The following TMEM94 variants were observed in gnomAD, a reference collection of about 807,000 sequenced individuals.
TMEM94 encodes the protein transmembrane protein 94.
Under a neutral mutation model 158.6 loss-of-function variants are expected in TMEM94, and 81 were observed. The observed-to-expected ratio is 0.51, with a 90% CI of 0.43 to 0.61. The LOEUF is 0.61. Ranked by LOEUF, TMEM94 falls within the 20% of genes least tolerant of loss-of-function variation. The pLI is 0.00. For synonymous variants in TMEM94, 751 were observed against 730.7 expected, an observed-to-expected ratio of 1.03 and a Z score of -0.45; for missense variants, 1,435 against 1,762.0, an observed-to-expected ratio of 0.81 and a Z score of 3.32.
intron 2 of TMEM94, among the ~76,000 whole-genome samples, chr17:75,480,477 C>T (rs1183057735): frequency 6.6e-6 from 1 of 152,176 alleles, no homozygotes; most frequent in African/African-American, 2.4e-5. Context: ...GGGAGCAGAG[C>T]GCAGCTTCAA....
Position 75,495,735 on chromosome 17 carries a change from T to A in TMEM94, c.2944+92T>A. On this transcript the variant is annotated intron_variant, in intron 22 of 31. Coordinates refer to ENST00000314256, the MANE Select transcript of TMEM94 (RefSeq NM_014738.6). This position sits in a 1 kb window ranked among gnomAD's most constrained non-coding sequence, Gnocchi z 5.6. ...GTACCCCGTGGGCTCTGGAGGGATG[T>A]AGGTTTCCCATGCAGGGAGTAAAGG... 7.9e-7 allele frequency: 1 copy of A among 1,261,162 alleles called. No homozygotes were observed. Among genetic ancestry groups the A allele is most frequent in the Non-Finnish European group, 1.1e-6 (1 of 877,320 alleles). The allele number at this position is 1,261,162 out of a possible 1,614,324, so 78.1% of individuals were successfully genotyped here. A position where few individuals can be genotyped will look rare whatever the true frequency, so the allele number is the denominator to read the frequency against.
At chr17:75,475,842 G>A (rs967490846) in intron 2 of TMEM94, among the ~76,000 whole-genome samples, 3 of 152,212 alleles carry the variant, frequency 2.0e-5, no homozygotes, top group Non-Finnish European at 4.4e-5. Context: ...TACCTGGCAG[G>A]AAGGTGTTGG....
At chr17:75,476,586 G>A (rs1020930722) in intron 2 of TMEM94, 47 of 1,497,116 alleles carry the variant, frequency 3.1e-5, no homozygotes, top group East Asian at 4.9e-5. Context: ...AGCTGTCTCC[G>A]TCTCTTCTCT....
chr17:75,459,014 G>A (rs1484526236), intron 1 of TMEM94, among the ~76,000 whole-genome samples: 16 of 149,044 alleles, frequency 1.1e-4, no homozygotes, highest in South Asian at 2.1e-4. Flanking sequence ...CCGAGATCGC[G>A]CCACTGCACT....
chr17:75,457,740 A>G (rs1342592411), intron 1 of TMEM94: 1 of 152,210 alleles, frequency 6.6e-6, no homozygotes, highest in Admixed American at 6.5e-5. Context: ...GGCAGTTTTA[A>G]CATTTTCATT....
intron 1 of TMEM94, among the ~76,000 whole-genome samples, chr17:75,465,629 G>A (rs1014330679): frequency 1.0e-5 from 1 of 99,170 alleles, no homozygotes; most frequent in African/African-American, 4.8e-5. Context: ...TGGGTTGTTG[G>A]TCTTGTTACT....
At chr17:75,481,055 G>T (rs548550437) in intron 2 of TMEM94, among the ~76,000 whole-genome samples, 2 of 152,334 alleles carry the variant, frequency 1.3e-5, no homozygotes, top group South Asian at 4.1e-4. Context: ...AGACGTCCAT[G>T]CCCACAGACA....
rs374927328 is a variant in TMEM94, at chr17:75,494,881, G to A, written c.2590-15G>A. 18 of 1,613,518 alleles carry A rather than the reference G, an allele frequency of 1.1e-5. No individual in the cohort carries two copies. The highest frequency in any genetic ancestry group is 1.6e-4 in the Middle Eastern group (1 of 6,062). ...CTTTTGGGCCCGTATGTTCATGGCC[G>A]TCTGCCTTTCACAGGTGTTTGCAGA... On this transcript the variant is annotated splice_polypyrimidine_tract_variant and intron_variant, in intron 19 of 31. Coordinates refer to ENST00000314256, the MANE Select transcript of TMEM94 (RefSeq NM_014738.6).
Position 75,491,039 on chromosome 17 carries a change from C to T in TMEM94, c.1129-10C>T, listed in dbSNP as rs773572515. 5.6e-6 allele frequency: 9 copies of T among 1,597,264 alleles called. No homozygotes were observed. Among genetic ancestry groups the T allele is most frequent in the Non-Finnish European group, 7.7e-6 (9 of 1,170,162 alleles). The stretch of plus-strand genomic sequence containing the variant: ...CTAAATGGCCTTGCAGACTTCCTCT[C>T]TCCCACCAGGAAATGCTGCGCTGCA... On this transcript the variant is annotated splice_polypyrimidine_tract_variant and intron_variant, in intron 11 of 31. Coordinates refer to ENST00000314256, the MANE Select transcript of TMEM94 (RefSeq NM_014738.6). This position sits in a 1 kb window ranked among gnomAD's most constrained non-coding sequence, Gnocchi z 5.1.
chr17:75,498,136 G>A lies in TMEM94; in HGVS notation c.3490-39G>A. ...AAGAGCTAGGAGCAGCCGGCAGAGG[G>A]GCTGTGCGCCCCAGGAGTGACTGGC... On this transcript the variant is annotated intron_variant, in intron 27 of 31. Coordinates refer to ENST00000314256, the MANE Select transcript of TMEM94 (RefSeq NM_014738.6). This position sits in a 1 kb window ranked among gnomAD's most constrained non-coding sequence, Gnocchi z 6.7. The A allele has an allele frequency of 6.2e-7, 1 of 1,609,312 alleles. No homozygotes were observed. The highest frequency in any genetic ancestry group is 8.5e-7 in the Non-Finnish European group (1 of 1,176,952).
In TMEM94 at chr17:75,499,622, C is replaced by T. The variant is rs1476360155; in HGVS notation, c.*288C>T. 1 of 447,204 alleles carries T rather than the reference C, an allele frequency of 2.2e-6. No individual in the cohort carries two copies. The highest frequency in any genetic ancestry group is 2.9e-5 in the South Asian group (1 of 34,768). The allele number at this position is 447,204 out of a possible 1,614,324, so 27.7% of individuals were successfully genotyped here. The stretch of plus-strand genomic sequence containing the variant: ...GCTCCCTAGAGGGGCCCTAAACCCC[C>T]TCACCTGTGAGCTACCCCCTTTAGG... On this transcript the variant is annotated 3_prime_UTR_variant, in exon 32 of 32. Coordinates refer to ENST00000314256, the MANE Select transcript of TMEM94 (RefSeq NM_014738.6).
At chr17:75,470,325 T>A (rs954151857) in intron 1 of TMEM94, among the ~76,000 whole-genome samples, 31 of 148,498 alleles carry the variant, frequency 2.1e-4, no homozygotes, top group African/African-American at 6.7e-4. Flanking sequence ...TTAAAAAAAA[T>A]AATAATAGGC....
chr17:75,498,997 G>A lies in TMEM94; in HGVS notation c.3913G>A (p.Val1305Met), dbSNP rs370635593. ...CCACGTCCACTTTGGCCTGGAGGAC[G>A]TGCCCCTGCTGACATGGCTCCTGGG... Reference protein sequence around the residue: ...DSHVHFGLEDVPLLTWLLGCL... With the variant: ...DSHVHFGLEDMPLLTWLLGCL... Residue 1305 changes from valine to methionine, a missense_variant, in exon 31 of 32, where the codon GTG becomes ATG. Transcript: ENST00000314256. This position sits in a 1 kb window ranked among gnomAD's most constrained non-coding sequence, Gnocchi z 6.7. The A allele has an allele frequency of 1.0e-5, 16 of 1,602,794 alleles. No homozygotes were observed. The highest frequency in any genetic ancestry group is 4.0e-5 in the African/African-American group (3 of 74,810).
At chr17:75,460,953 A>G (rs62091792) in intron 1 of TMEM94, among the ~76,000 whole-genome samples, 13,433 of 151,908 alleles carry the variant, frequency 0.088, 1,100 homozygotes, top group African/African-American at 0.2. Flanking sequence ...AAACTCTGTC[A>G]CCATTAAACA....
intron 1 of TMEM94, among the ~76,000 whole-genome samples, chr17:75,459,103 T>C (rs1433168216): frequency 6.8e-6 from 1 of 148,052 alleles, no homozygotes; most frequent in African/African-American, 2.5e-5. Context: ...ATGTAGACTA[T>C]GGTGGTTAAC....
intron 1 of TMEM94, chr17:75,457,555 G>T (rs1322153424): frequency 1.3e-5 from 2 of 152,246 alleles, no homozygotes; most frequent in Middle Eastern, 6.8e-3. Flanking sequence ...TGAGTTTTTC[G>T]GTGGCTCTTG....
Position 75,496,383 on chromosome 17 carries a change from T to C in TMEM94, c.3155T>C (p.Leu1052Pro), listed in dbSNP as rs2052684995. ...CAGGCCTCGGATGGCCTTTCTCCCC[T>C]GCAGCTGTCAGGGCAGCTCAACAGC... ...MAQASDGLSP[L>P]QLSGQLNSLP... is the part of the protein sequence containing the mutation. The change falls in exon 24 of 32, where the codon CTG (leucine) becomes CCG (proline). Residue 1052 changes from leucine (L) to proline (P), a missense_variant. Physicochemically the swap from Leu to Pro is moderately conservative, Grantham distance 98. Coordinates refer to ENST00000314256, the MANE Select transcript of TMEM94 (RefSeq NM_014738.6). 6 of 1,613,980 alleles carry C rather than the reference T, an allele frequency of 3.7e-6. No homozygotes were observed. The East Asian group carries it at 1.3e-4, about 36-fold the overall frequency.
chr17:75,478,499 T>C (rs1292939939), intron 2 of TMEM94, among the ~76,000 whole-genome samples: 1 of 151,978 alleles, frequency 6.6e-6, no homozygotes, highest in East Asian at 1.9e-4. Flanking sequence ...CCTATCCGGG[T>C]GCTCAGCTTC....
intron 2 of TMEM94, among the ~76,000 whole-genome samples, chr17:75,478,316 C>T (rs1374525125): frequency 8.2e-5 from 11 of 134,712 alleles, no homozygotes; most frequent in African/African-American, 2.8e-4. Context: ...CGCGCCCGGC[C>T]GAGACTCCAT....
Sources: gnomAD v4.1 joint callset for allele counts (sites outside exome capture counted in the v4.1 genomes callset) on GRCh38, gnomAD v4.1.1 for gene constraint, Gnocchi (gnomAD v3.1) non-coding constraint, MANE v1.5 for transcripts, NCBI Gene and HGNC (gene_info 2026-07-23, HGNC 2026-07-21) for gene names.